Variants in PRPSAP1 observed in about 807,000 individuals in gnomAD.
PRPSAP1 encodes phosphoribosyl pyrophosphate synthetase associated protein 1.
PRPSAP1 carries 31 observed loss-of-function variants against 39.4 expected under a neutral mutation model. The ratio of observed to expected loss-of-function variants is 0.79; its 90% CI spans 0.59 to 1.06. The LOEUF (loss-of-function observed/expected upper bound fraction) is 1.06, where lower values mean the gene tolerates loss of function less well. Ranked by LOEUF, PRPSAP1 falls within the 50% of genes least tolerant of loss-of-function variation. PRPSAP1 has a pLI of 0.00. For synonymous variants in PRPSAP1, 212 were observed against 192.6 expected (o/e 1.10, Z -0.83); for missense variants, 430 against 511.6 (o/e 0.84, Z 1.54).
intron 3 of PRPSAP1, among the ~76,000 whole-genome samples, chr17:76,333,635 GCT>G (rs2071348955): frequency 1.3e-5 from 2 of 150,656 alleles, no homozygotes; most frequent in South Asian, 4.2e-4. Flanking sequence ...ACAGAGTGAG[GCT>G]CTGTCTCAAA....
chr17:76,348,864 C>G (rs2071538665), intron 1 of PRPSAP1, among the ~76,000 whole-genome samples: 1 of 152,134 alleles, frequency 6.6e-6, no homozygotes, highest in Non-Finnish European at 1.5e-5. Flanking sequence ...AAATCACTTC[C>G]AAATACTTGG....
intron 7 of PRPSAP1, among the ~76,000 whole-genome samples, chr17:76,316,977 A>T (rs1308807505): frequency 6.6e-6 from 1 of 152,262 alleles, no homozygotes; most frequent in Non-Finnish European, 1.5e-5. Flanking sequence ...ACAGCAAAAA[A>T]GAACTATGAG....
intron 6 of PRPSAP1, among the ~76,000 whole-genome samples, chr17:76,329,498 A>G (rs990591608): frequency 2.6e-5 from 4 of 152,124 alleles, no homozygotes; most frequent in African/African-American, 9.6e-5. Flanking sequence ...ACTTTGGGAG[A>G]CCAAGGCAGA....
chr17:76,348,843 A>G (rs917545141), intron 1 of PRPSAP1, among the ~76,000 whole-genome samples: 8 of 152,180 alleles, frequency 5.3e-5, no homozygotes, highest in African/African-American at 1.9e-4. Context: ...TTGAATAGTA[A>G]TTTTCTTGGA....
chr17:76,343,228 C>G (rs1355523120), intron 3 of PRPSAP1, among the ~76,000 whole-genome samples: 2 of 152,180 alleles, frequency 1.3e-5, no homozygotes, highest in Admixed American at 1.3e-4. Flanking sequence ...GGTGTAATGG[C>G]CCACTCCCTG....
At chr17:76,336,615 C>A (rs552808220) in intron 3 of PRPSAP1, among the ~76,000 whole-genome samples, 2 of 150,484 alleles carry the variant, frequency 1.3e-5, no homozygotes, top group Non-Finnish European at 3.0e-5. Flanking sequence ...GCCTGTAATC[C>A]CAGTTACTCA....
intron 8 of PRPSAP1, chr17:76,313,463 G>A (rs2071089946): frequency 1.1e-5 from 3 of 283,622 alleles, no homozygotes; most frequent in East Asian, 7.0e-5. Context: ...GAGTCTGCAC[G>A]GGGACACCCA....
intron 7 of PRPSAP1, among the ~76,000 whole-genome samples, chr17:76,327,076 G>A (rs1184798068): frequency 4.6e-5 from 7 of 152,248 alleles, no homozygotes; most frequent in East Asian, 1.9e-4. Flanking sequence ...GGCTTGGCAC[G>A]GTGGCTCACA....
At chr17:76,350,165 C>A (rs371149703) in intron 1 of PRPSAP1, among the ~76,000 whole-genome samples, 14 of 151,926 alleles carry the variant, frequency 9.2e-5, no homozygotes, top group Non-Finnish European at 1.9e-4. Context: ...TGCAGCCAGG[C>A]GCAGTGGCTC....
In PRPSAP1 at chr17:76,344,683, T is replaced by G; in HGVS notation, c.278A>C (p.Gln93Pro). ...TCAGTCCTCTTACCTGGGTATTGTC[T>G]GTATAATGAAAATATCTTGGCCACG... The part of the protein sequence containing the change: ...SVRGQDIFII[Q>P]TIPRDVNTAV... The change falls in exon 3 of 10, where the codon CAG becomes CCG. Residue 93 changes from glutamine (Q) to proline (P), a missense_variant. By Grantham distance (76) the Gln-to-Pro change is moderately conservative. This residue lies in a region of PRPSAP1 where 152 missense variants were observed against 135.2 expected (regional missense o/e 1.12). Transcript: ENST00000446526. 4 of 1,573,502 alleles carry G rather than the reference T, an allele frequency of 2.5e-6. No individual in the cohort carries two copies.
At chr17:76,347,419 G>T (rs2071518548) in intron 2 of PRPSAP1, among the ~76,000 whole-genome samples, 1 of 148,830 alleles carries the variant, frequency 6.7e-6, no homozygotes, top group Non-Finnish European at 1.5e-5. Context: ...CCTGGGAGGT[G>T]GAGGTTGCAG....
chr17:76,341,711 A>G (rs111384273), intron 3 of PRPSAP1, among the ~76,000 whole-genome samples: 3,477 of 152,240 alleles, frequency 0.023, 146 homozygotes, highest in African/African-American at 0.08. Context: ...AGGCCGAGGC[A>G]GGCGGATCAC....
chr17:76,350,782 C>T (rs2071559858), intron 1 of PRPSAP1, among the ~76,000 whole-genome samples: 1 of 152,216 alleles, frequency 6.6e-6, no homozygotes, highest in Admixed American at 6.6e-5. Context: ...CCTGTAAAGG[C>T]GGCACTTCGG....
chr17:76,353,388 C>T (rs1598548439), intron 1 of PRPSAP1, 146 bp downstream of exon 1: 2 of 819,706 alleles, frequency 2.4e-6, no homozygotes, highest in Non-Finnish European at 3.5e-6. Flanking sequence ...GTATCCGTCA[C>T]CTCCAAGCTT....
intron 4 of PRPSAP1, 68 bp from the exon 5 acceptor site, chr17:76,330,734 T>G: frequency 1.1e-6 from 1 of 945,436 alleles, no homozygotes; most frequent in Non-Finnish European, 1.6e-6. Context: ...GGACCTAAAC[T>G]AGATGCTCAA....
intron 9 of PRPSAP1, among the ~76,000 whole-genome samples, chr17:76,312,278 G>A (rs2071077420): frequency 6.6e-6 from 1 of 151,946 alleles, no homozygotes; most frequent in South Asian, 2.1e-4. Context: ...CCGTTTCTAA[G>A]AAAAACACAA....
chr17:76,349,018 A>T (rs542975529), intron 1 of PRPSAP1, among the ~76,000 whole-genome samples: 20 of 152,296 alleles, frequency 1.3e-4, no homozygotes, highest in Admixed American at 1.2e-3. Context: ...CAAGTGTAAA[A>T]AGCCATTTTT....
chr17:76,319,551 C>T (rs1486927460), intron 7 of PRPSAP1: 1 of 152,146 alleles, frequency 6.6e-6, no homozygotes, highest in Non-Finnish European at 1.5e-5. Context: ...TCACTGCAAC[C>T]TCCGCCTCCC....
chr17:76,354,002 C>A, upstream of PRPSAP1: 1 of 1,225,206 alleles, frequency 8.2e-7, no homozygotes, highest in East Asian at 3.9e-5. Context: ...GGGAGCCTGG[C>A]GACTCTCTAA....
Sources: gnomAD v4.1 joint callset for allele counts (sites outside exome capture counted in the v4.1 genomes callset) on GRCh38, gnomAD v4.1.1 for gene constraint, gnomAD v4.1.1 regional missense constraint, MANE v1.5 for transcripts, NCBI Gene and HGNC (gene_info 2026-07-23, HGNC 2026-07-21) for gene names.